Variants in PIEZO1 observed in about 807,000 individuals in gnomAD.
PIEZO1 encodes the protein piezo type mechanosensitive ion channel component 1 (Er blood group).
In PIEZO1, 296 loss-of-function variants were observed where a neutral mutation model predicts 297.2. The observed-to-expected ratio is 1.00, with a 90% CI of 0.91 to 1.10. The LOEUF (loss-of-function observed/expected upper bound fraction) is 1.10. PIEZO1 is among the 50% of genes least tolerant of loss of function. The probability of loss-of-function intolerance (pLI) is 0.00; values close to 1 mark genes in which losing one functional copy is unlikely to be tolerated. For synonymous variants in PIEZO1, 2,427 were observed against 1,507.5 expected (o/e 1.61, Z -14.13); for missense variants, 5,018 against 3,455.5 (o/e 1.45, Z -11.34).
intron 1 of PIEZO1, among the ~76,000 whole-genome samples, chr16:88,750,521 G>GGCCT (rs1346174611): frequency 1.3e-5 from 2 of 152,186 alleles, no homozygotes; most frequent in African/African-American, 4.8e-5. Context: ...AAGGTCCCGG[G>GGCCT]GCCTGGCCTC....
chr16:88,720,086 C>T lies in PIEZO1; in HGVS notation c.6147G>A (p.Leu2049=), dbSNP rs772676371. The T allele has an allele frequency of 1.5e-5, 23 of 1,550,328 alleles. No homozygotes were observed. In the South Asian group the frequency reaches 2.5e-4, roughly 17 times the overall value. Residue 2049 remains leucine, a synonymous_variant, in exon 42 of 51, where the codon CTG becomes CTA. Transcript: ENST00000301015. ...LAIHLWMFFI[L]PAVTERMFNQ... The stretch of plus-strand genomic sequence containing the variant: ...GGGCCCACCTCTCAGTGACGGCGGG[C>T]AGGATGAAGAACATCCATAGGTGGA...
At chr16:88,761,849 C>T (rs2142886082) in intron 1 of PIEZO1, among the ~76,000 whole-genome samples, 1 of 152,158 alleles carries the variant, frequency 6.6e-6, no homozygotes, top group East Asian at 1.9e-4. Flanking sequence ...GTGCTGGGCT[C>T]CCCTGCAGGG....
At chr16:88,749,920 C>T (rs538466361) in intron 1 of PIEZO1, among the ~76,000 whole-genome samples, 3 of 151,672 alleles carry the variant, frequency 2.0e-5, no homozygotes, top group Admixed American at 6.6e-5. Flanking sequence ...CCCAGCTACT[C>T]GGGAGGCTGA....
At chr16:88,767,971 G>C (rs1011494836) in intron 1 of PIEZO1, among the ~76,000 whole-genome samples, 1 of 152,046 alleles carries the variant, frequency 6.6e-6, no homozygotes, top group Non-Finnish European at 1.5e-5. Flanking sequence ...TCCCTCCCCC[G>C]GGTCCAGACC....
intron 2 of PIEZO1, chr16:88,743,649 C>A (rs1269491527): frequency 6.6e-6 from 3 of 456,586 alleles, no homozygotes; most frequent in South Asian, 4.6e-5. Flanking sequence ...GGACACTCAG[C>A]CCCCTCTTTC....
rs551782296 is a variant in PIEZO1 at position 88,725,076 on chromosome 16, G to A, written c.4167C>T (p.Pro1389=). 30 of 1,510,382 alleles carry A rather than the reference G, an allele frequency of 2.0e-5. No individual in the cohort carries two copies. The highest frequency in any genetic ancestry group is 9.5e-5 in the Admixed American group (4 of 41,994). The allele number at this position is 1,510,382 out of a possible 1,614,324, so 93.6% of individuals were successfully genotyped here. A position where few individuals can be genotyped will look rare whatever the true frequency, so the allele number is the denominator to read the frequency against. ...GCGGGGAGGAGCCCCCTGGACTGTC[G>A]GGCCCTGTGGAGGGGCAGGGTGAGC... ...GPKDPGLEPG[P]DSPGGSSPPR... is the part of the protein sequence containing the mutation. The change falls in exon 30 of 51, where the codon CCC becomes CCT. Residue 1389 remains proline, a synonymous_variant. Coordinates refer to ENST00000301015, the MANE Select transcript of PIEZO1 (RefSeq NM_001142864.4).
chr16:88,731,677 C>T (rs1283055759), intron 22 of PIEZO1, 29 bp downstream of exon 22: 1 of 1,534,326 alleles, frequency 6.5e-7, no homozygotes, highest in Non-Finnish European at 8.8e-7. Flanking sequence ...CCACAAAGCC[C>T]ACTCCCACCC....
At chr16:88,757,319 C>A (rs2288052) in intron 1 of PIEZO1, among the ~76,000 whole-genome samples, 1 of 10,252 alleles carries the variant, frequency 9.8e-5, no homozygotes, top group Non-Finnish European at 1.9e-4. Flanking sequence ...GCGTTGCTGG[C>A]GGGGGGGTGG....
intron 1 of PIEZO1, among the ~76,000 whole-genome samples, chr16:88,759,592 C>T (rs1906832122): frequency 1.3e-5 from 2 of 152,228 alleles, no homozygotes; most frequent in Non-Finnish European, 2.9e-5. Context: ...CTCCTGGCGG[C>T]CGCTGCTCTG....
chr16:88,731,307 G>A (rs1349065056), intron 22 of PIEZO1: 8 of 231,420 alleles, frequency 3.5e-5, no homozygotes, highest in East Asian at 2.2e-4. Context: ...ACGGGACCAC[G>A]GGTGTGGGGC....
intron 1 of PIEZO1, among the ~76,000 whole-genome samples, chr16:88,764,926 C>T (rs1907103500): frequency 6.6e-6 from 1 of 152,176 alleles, no homozygotes; most frequent in African/African-American, 2.4e-5. Flanking sequence ...GCAACAAGGG[C>T]TTCCTAAGAA....
chr16:88,748,479 G>A lies in PIEZO1; in HGVS notation c.160+905C>T, dbSNP rs563880619. 0.01 allele frequency among the ~76,000 whole-genome samples: 1,143 copies of A among 111,138 alleles called. 32 individuals are homozygous for A. In the East Asian group the frequency reaches 0.14, roughly 14 times the overall value. 72.9% of individuals were successfully genotyped at this position (111,138 alleles called of 152,430 possible). A position where few individuals can be genotyped will look rare whatever the true frequency, so the allele number is the denominator to read the frequency against. On this transcript the variant is annotated intron_variant, in intron 2 of 50. Transcript: ENST00000301015. Reference sequence around the variant, plus strand: ...AGACCCCAAGGTGGTTCCCAAGGGGGGTCTCAGCTCCCCCCCCCCCCCGCA... The same window carrying A: ...AGACCCCAAGGTGGTTCCCAAGGGGAGTCTCAGCTCCCCCCCCCCCCCGCA...
Position 88,737,517 on chromosome 16 carries a change from G to GC in PIEZO1, c.1195+41dup, listed in dbSNP as rs66881450. 0.47 allele frequency: 633,045 copies of GC among 1,359,806 alleles called. 155,732 individuals carry two copies. Among genetic ancestry groups the GC allele is most frequent in the East Asian group, 0.81 (31,633 of 39,136 alleles). The allele number at this position is 1,359,806 out of a possible 1,614,324, so 84.2% of individuals were successfully genotyped here. ...AGGGGGCAGCACCGGCCTCCGCCCC[G>GC]CCCCCCGCACCCAGCCATACCTTGC... On this transcript the variant is annotated intron_variant, in intron 10 of 50. Coordinates refer to ENST00000301015, the MANE Select transcript of PIEZO1 (RefSeq NM_001142864.4).
intron 22 of PIEZO1, among the ~76,000 whole-genome samples, chr16:88,730,256 G>A (rs1306902045): frequency 6.6e-6 from 1 of 152,212 alleles, no homozygotes; most frequent in African/African-American, 2.4e-5. Context: ...CACAAGGCTG[G>A]GCCTGGGTAG....
rs532190687 is a variant in PIEZO1, at chr16:88,731,388, G to A, written c.3196+318C>T. 16 of 343,322 alleles carry A rather than the reference G, an allele frequency of 4.7e-5. No homozygotes were observed. The East Asian group carries it at 5.8e-4, about 13-fold the overall frequency. 21.3% of individuals were successfully genotyped at this position (343,322 alleles called of 1,614,324 possible). A position where few individuals can be genotyped will look rare whatever the true frequency, so the allele number is the denominator to read the frequency against. ...CACTTGGGTGTGAGGCATCACGGCC[G>A]ACCCGCACGGGGCCCGGAGAGGACG... On this transcript the variant is annotated intron_variant, in intron 22 of 50. Coordinates refer to ENST00000301015, the MANE Select transcript of PIEZO1 (RefSeq NM_001142864.4).
At chr16:88,764,027 C>T (rs939333807) in intron 1 of PIEZO1, among the ~76,000 whole-genome samples, 22 of 152,102 alleles carry the variant, frequency 1.4e-4, no homozygotes, top group Non-Finnish European at 2.9e-4. Flanking sequence ...CCAAAGTGCA[C>T]GATGAGCCAC....
intron 35 of PIEZO1, 74 bp from the exon 36 acceptor site, chr16:88,722,471 G>C (rs1284637528): frequency 6.9e-7 from 1 of 1,445,452 alleles, no homozygotes; most frequent in African/African-American, 1.4e-5. Flanking sequence ...GGTCAGGGTG[G>C]AAAGTGCCCA....
intron 2 of PIEZO1, among the ~76,000 whole-genome samples, chr16:88,746,477 C>A (rs962548866): frequency 2.0e-5 from 3 of 152,192 alleles, no homozygotes; most frequent in Non-Finnish European, 2.9e-5. Context: ...GCCCCTACCC[C>A]TCTCCTCCCT....
chr16:88,726,468 C>A lies in PIEZO1; in HGVS notation c.3797-13G>T. 6.5e-7 allele frequency: 1 copy of A among 1,548,896 alleles called. No individual in the cohort carries two copies. Among genetic ancestry groups the A allele is most frequent in the Admixed American group, 2.0e-5 (1 of 50,970 alleles). On this transcript the variant is annotated splice_polypyrimidine_tract_variant and intron_variant, in intron 26 of 50. Coordinates refer to ENST00000301015, the MANE Select transcript of PIEZO1 (RefSeq NM_001142864.4). The stretch of plus-strand genomic sequence containing the variant: ...ATCATCTCCTTGGCTGCAAGGCAGG[C>A]ACCGGCAAGGGTCAGGCCCAGGGCC...
Sources: allele counts gnomAD v4.1 joint callset (sites outside exome capture counted in the v4.1 genomes callset), GRCh38; gene constraint gnomAD v4.1.1; transcripts MANE v1.5; gene names NCBI Gene and HGNC (gene_info 2026-07-23, HGNC 2026-07-21).